GRTP1: variants seen among roughly 807,000 people sequenced by gnomAD.
GRTP1 encodes the protein growth hormone-regulated TBC protein 1.
In GRTP1, 56 loss-of-function variants were observed where a neutral mutation model predicts 38.1. The observed-to-expected ratio is 1.47, with a 90% CI of 1.19 to 1.84. The LOEUF is 1.84. GRTP1 is among the 40% of genes most tolerant of loss of function. The pLI is 0.00. For missense variants in GRTP1, 506 were observed against 453.9 expected, an observed-to-expected ratio of 1.11 and a Z score of -1.04; for synonymous variants, 217 against 189.5, an observed-to-expected ratio of 1.14 and a Z score of -1.19.
At chr13:113,333,320 A>G (rs115364329) in intron 5 of GRTP1, among the ~76,000 whole-genome samples, 1,682 of 152,224 alleles carry the variant, frequency 0.011, 32 homozygotes, top group African/African-American at 0.039. Context: ...ATGGCGAACC[A>G]CAGAAAACAG....
chr13:113,333,668 C>G (rs1291423724), intron 5 of GRTP1, among the ~76,000 whole-genome samples: 1 of 151,822 alleles, frequency 6.6e-6, no homozygotes, highest in Non-Finnish European at 1.5e-5. Context: ...CCACGCCCAG[C>G]TAATTTTTGT....
At chr13:113,335,769 T>A (rs147110846) in intron 5 of GRTP1, among the ~76,000 whole-genome samples, 12 of 109,616 alleles carry the variant, frequency 1.1e-4, no homozygotes, top group Middle Eastern at 4.5e-3. Context: ...TCTGGTTCCC[T>A]CCATGCTGCT....
At position 113,324,472 on chromosome 13, in the gene GRTP1, C is replaced by T. The variant is rs2042729559; in HGVS notation, c.*16G>A. 4 of 1,596,276 alleles carry T rather than the reference C, an allele frequency of 2.5e-6. No homozygotes were observed. Among genetic ancestry groups the T allele is most frequent in the Non-Finnish European group, 3.4e-6 (4 of 1,171,822 alleles). ...ATCGTCAGTGTAGAGACGAGCAACG[C>T]AGGGGACAGGCACGCTCACCCCTGT... On this transcript the variant is annotated 3_prime_UTR_variant, in exon 8 of 8. Transcript: ENST00000375431.
intron 2 of GRTP1, among the ~76,000 whole-genome samples, chr13:113,362,533 G>A (rs1338150739): frequency 1.3e-5 from 2 of 152,166 alleles, no homozygotes; most frequent in Admixed American, 6.6e-5. Flanking sequence ...CTATGCGGGA[G>A]GCTGAGAGGG....
In GRTP1 at chr13:113,329,591, AAAAAATAAAAAT is replaced by A. The variant is rs371218463; in HGVS notation, c.563-3512_563-3501del. Among the ~76,000 whole-genome samples, 1,137 of 152,292 alleles carry A rather than the reference AAAAAATAAAAAT, an allele frequency of 7.5e-3. 6 individuals are homozygous for A. Among genetic ancestry groups the A allele is most frequent in the Admixed American group, 0.012 (177 of 15,278 alleles). ...AGAGTGAAACTCCATCTCAAAAAAT[AAAAAATAAAAAT>A]AAAAATAAATTACTGCAAGATGTGT... On this transcript the variant is annotated intron_variant, in intron 5 of 7. Coordinates refer to ENST00000375431, the MANE Select transcript of GRTP1 (RefSeq NM_024719.4).
chr13:113,346,100 G>T (rs1225333431), intron 4 of GRTP1, among the ~76,000 whole-genome samples: 4 of 109,266 alleles, frequency 3.7e-5, no homozygotes, highest in Non-Finnish European at 7.5e-5. Context: ...AGACATCTGT[G>T]GCCGAGAACA....
chr13:113,332,171 C>G (rs892341367), intron 5 of GRTP1, among the ~76,000 whole-genome samples: 1 of 152,118 alleles, frequency 6.6e-6, no homozygotes, highest in Non-Finnish European at 1.5e-5. Flanking sequence ...CCATCAGATT[C>G]CCTGACTGTG....
rs546052897 is a variant in GRTP1 at position 113,342,895 on chromosome 13, G to T, written c.562+1968C>A. Among the ~76,000 whole-genome samples, 1 of 151,982 alleles carries T rather than the reference G, an allele frequency of 6.6e-6. No homozygotes were observed. Among genetic ancestry groups the T allele is most frequent in the Non-Finnish European group, 1.5e-5 (1 of 68,022 alleles). On this transcript the variant is annotated intron_variant, in intron 5 of 7. Coordinates refer to ENST00000375431, the MANE Select transcript of GRTP1 (RefSeq NM_024719.4). This position sits in a 1 kb window ranked among gnomAD's most constrained non-coding sequence, Gnocchi z 4.5. The stretch of plus-strand genomic sequence containing the variant: ...CATAATGAATATCGGAAGTGACGTC[G>T]TACGGACTGAAAACGCATCTGTCCA...
rs568158003 is a variant in GRTP1 at position 113,348,543 on chromosome 13, G to A, written c.465+2306C>T. On this transcript the variant is annotated intron_variant, in intron 4 of 7. Coordinates refer to ENST00000375431, the MANE Select transcript of GRTP1 (RefSeq NM_024719.4). This position sits in a 1 kb window ranked among gnomAD's most constrained non-coding sequence, Gnocchi z 4.8. Reference sequence around the variant, plus strand: ...TCCTAACCCCTAGTACCTCAGATTGGGACCTTGTTTGGGAAAAAGACTGTT... The same window carrying A: ...TCCTAACCCCTAGTACCTCAGATTGAGACCTTGTTTGGGAAAAAGACTGTT... Among the ~76,000 whole-genome samples, 4 of 152,272 alleles carry A rather than the reference G, an allele frequency of 2.6e-5. No individual in the cohort carries two copies. The South Asian group carries it at 6.2e-4, about 24-fold the overall frequency.
At chr13:113,347,416 G>GA in intron 4 of GRTP1, among the ~76,000 whole-genome samples, 1 of 98,654 alleles carries the variant, frequency 1.0e-5, no homozygotes, top group Non-Finnish European at 2.1e-5. Flanking sequence ...GTGGCTGACA[G>GA]TGGACCCGGG....
At chr13:113,353,647 G>A (rs950837050) in intron 3 of GRTP1, among the ~76,000 whole-genome samples, 2 of 151,978 alleles carry the variant, frequency 1.3e-5, no homozygotes, top group African/African-American at 4.8e-5. Context: ...AGAGACAAGC[G>A]CACAGCGGGA....
At chr13:113,352,290 A>ATTTATATATAT (rs1319864302) in intron 3 of GRTP1, among the ~76,000 whole-genome samples, 23 of 48,442 alleles carry the variant, frequency 4.7e-4, no homozygotes, top group South Asian at 2.2e-3. Context: ...ATTTATATAT[A>ATTTATATATAT]TTTATATATA....
intron 5 of GRTP1, among the ~76,000 whole-genome samples, chr13:113,335,477 CTTT>C (rs921242461): frequency 7.2e-5 from 11 of 151,978 alleles, no homozygotes; most frequent in Non-Finnish European, 1.0e-4. Flanking sequence ...TTTACCATTT[CTTT>C]GTGTTGGGAA....
chr13:113,338,695 G>C (rs12853234), intron 5 of GRTP1, among the ~76,000 whole-genome samples: 135,107 of 152,112 alleles, frequency 0.89, 62,214 homozygotes, highest in East Asian at 1. Context: ...CCACGGCAGG[G>C]AGCTTTCGTT....
At chr13:113,344,087 GTAAT>G (rs2043063739) in intron 5 of GRTP1, among the ~76,000 whole-genome samples, 1 of 152,220 alleles carries the variant, frequency 6.6e-6, no homozygotes. Flanking sequence ...TAAAAAGTAA[GTAAT>G]TACTTAAAAA....
At position 113,349,720 on chromosome 13, in the gene GRTP1, C is replaced by T. The variant is rs2043226687; in HGVS notation, c.465+1129G>A. ...TCCTCACGCAACGTCCACCCTTTCT[C>T]CTCGGGAGCATTCACTCTGCCAGGT... On this transcript the variant is annotated intron_variant, in intron 4 of 7. Transcript: ENST00000375431. This position sits in a 1 kb window ranked among gnomAD's most constrained non-coding sequence, Gnocchi z 5.0. Among the ~76,000 whole-genome samples, 1 of 152,214 alleles carries T rather than the reference C, an allele frequency of 6.6e-6. No individual in the cohort carries two copies. The highest frequency in any genetic ancestry group is 2.1e-4 in the South Asian group (1 of 4,828).
intron 2 of GRTP1, chr13:113,360,318 C>G (rs2043471246): frequency 6.6e-6 from 1 of 152,112 alleles, no homozygotes; most frequent in Admixed American, 6.5e-5. Flanking sequence ...ATTTATTGTA[C>G]CCACCAAGAG....
intron 5 of GRTP1, among the ~76,000 whole-genome samples, chr13:113,344,440 A>G (rs1235469230): frequency 6.6e-6 from 1 of 152,186 alleles, no homozygotes; most frequent in East Asian, 1.9e-4. Context: ...TTGGCCAGGC[A>G]TGGTGGCTCA....
intron 5 of GRTP1, among the ~76,000 whole-genome samples, chr13:113,338,511 T>G (rs962950746): frequency 3.4e-4 from 51 of 151,956 alleles, no homozygotes; most frequent in African/African-American, 1.1e-3. Context: ...GTGCAGGCCT[T>G]GGGCGGGGAG....
Sources: gnomAD v4.1 joint callset for allele counts (sites outside exome capture counted in the v4.1 genomes callset) on GRCh38, gnomAD v4.1.1 for gene constraint, Gnocchi (gnomAD v3.1) non-coding constraint, MANE v1.5 for transcripts, NCBI Gene and HGNC (gene_info 2026-07-23, HGNC 2026-07-21) for gene names.